Variants in SDK2 observed in about 807,000 individuals in gnomAD.
The protein encoded by SDK2 is protein sidekick-2.
A neutral mutation model predicts 253.9 loss-of-function variants in SDK2; 105 were observed. The ratio of observed to expected loss-of-function variants is 0.41; its 90% CI spans 0.35 to 0.49. SDK2 has a LOEUF of 0.49. SDK2 is among the 20% of genes least tolerant of loss of function. SDK2 has a pLI of 0.06. For synonymous variants in SDK2, 1,249 were observed against 1,234.9 expected (o/e 1.01, Z -0.24); for missense variants, 2,608 against 3,003.0 (o/e 0.87, Z 3.07).
In SDK2 at chr17:73,443,286, G is replaced by C. The variant is rs1481883338; in HGVS notation, c.614-2363C>G. 6.6e-6 allele frequency among the ~76,000 whole-genome samples: 1 copy of C among 152,116 alleles called. No homozygotes were observed. Among genetic ancestry groups the C allele is most frequent in the African/African-American group, 2.4e-5 (1 of 41,422 alleles). On this transcript the variant is annotated intron_variant, in intron 5 of 44. Coordinates refer to ENST00000392650, the MANE Select transcript of SDK2 (RefSeq NM_001144952.2). The surrounding 1 kb of genome is among the most constrained non-coding windows in gnomAD (Gnocchi z 4.6). Reference sequence around the variant, plus strand: ...TGTAAAAAATAAAGTAAAATGAAGGGGGAAAGAAAGGAAGCATATAAAGCA... The same window carrying C: ...TGTAAAAAATAAAGTAAAATGAAGGCGGAAAGAAAGGAAGCATATAAAGCA...
chr17:73,640,421 A>G (rs2046384556), intron 1 of SDK2, among the ~76,000 whole-genome samples: 2 of 152,070 alleles, frequency 1.3e-5, no homozygotes, highest in Non-Finnish European at 2.9e-5. Context: ...AACCACTGCC[A>G]GAATGTTCCG....
chr17:73,602,523 CT>C (rs1165821559), intron 1 of SDK2, among the ~76,000 whole-genome samples: 748 of 139,608 alleles, frequency 5.4e-3, no homozygotes, highest in Non-Finnish European at 5.9e-3. Flanking sequence ...AGTCTAAGTT[CT>C]TTTTTTTTTT....
rs2046239485 is a variant in SDK2 at position 73,629,210 on chromosome 17, TA to T, written c.64+14814del. ...GACCTTAGTAATTCTCTTTGTTCCC[TA>T]CCATTTTAGCTCAGATACGGGCCCT... On this transcript the variant is annotated intron_variant, in intron 1 of 44. Coordinates refer to ENST00000392650, the MANE Select transcript of SDK2 (RefSeq NM_001144952.2). The surrounding 1 kb of genome is among the most constrained non-coding windows in gnomAD (Gnocchi z 5.0). Among the ~76,000 whole-genome samples, 2 of 152,266 alleles carry T rather than the reference TA, an allele frequency of 1.3e-5. No homozygotes were observed. Among genetic ancestry groups the T allele is most frequent in the African/African-American group, 4.8e-5 (2 of 41,534 alleles).
chr17:73,606,249 T>G (rs1179450069), intron 1 of SDK2, among the ~76,000 whole-genome samples: 1 of 152,112 alleles, frequency 6.6e-6, no homozygotes, highest in Non-Finnish European at 1.5e-5. Flanking sequence ...CAGAAGCTGG[T>G]GAGAGGCAGC....
chr17:73,460,879 A>G (rs903171896), intron 3 of SDK2, among the ~76,000 whole-genome samples: 5 of 152,238 alleles, frequency 3.3e-5, no homozygotes, highest in Non-Finnish European at 7.3e-5. Flanking sequence ...AACTCAGAAG[A>G]TATATTTGAA....
At chr17:73,425,858 T>C (rs929999479) in intron 12 of SDK2, among the ~76,000 whole-genome samples, 1 of 151,952 alleles carries the variant, frequency 6.6e-6, no homozygotes, top group Non-Finnish European at 1.5e-5. Flanking sequence ...ACCTGTAATA[T>C]GAGGAAACTA....
chr17:73,477,583 T>G (rs1206813503), intron 2 of SDK2, among the ~76,000 whole-genome samples: 4 of 152,216 alleles, frequency 2.6e-5, no homozygotes, highest in South Asian at 2.1e-4. Context: ...AGCGAGGCCG[T>G]GGATACAAAT....
rs5821971 is a variant in SDK2, at chr17:73,502,084, TACACAC to T, written c.224+5348_224+5353del. ...CAGGCTTGCCTTTGTGTAGTGCACA[TACACAC>T]ACACACACACACACACACACACACA... On this transcript the variant is annotated intron_variant, in intron 2 of 44. Transcript: ENST00000392650. Among the ~76,000 whole-genome samples the T allele has an allele frequency of 2.6e-4, 7 of 26,514 alleles. No individual in the cohort carries two copies. In the East Asian group the frequency reaches 7.4e-3, roughly 28 times the overall value. 17.4% of individuals were successfully genotyped at this position (26,514 alleles called of 152,430 possible). A position where few individuals can be genotyped will look rare whatever the true frequency, so the allele number is the denominator to read the frequency against.
intron 24 of SDK2, among the ~76,000 whole-genome samples, chr17:73,397,280 G>A (rs1002338316): frequency 2.0e-5 from 3 of 152,180 alleles, no homozygotes; most frequent in African/African-American, 4.8e-5. Context: ...GCTGGGAAAC[G>A]ATGTTCCAGA....
At chr17:73,573,512 C>G (rs1855200530) in intron 1 of SDK2, among the ~76,000 whole-genome samples, 1 of 152,144 alleles carries the variant, frequency 6.6e-6, no homozygotes, top group South Asian at 2.1e-4. Context: ...GGACCCCAAA[C>G]CTTGGAGTCG....
chr17:73,614,288 G>C (rs8078948), intron 1 of SDK2, among the ~76,000 whole-genome samples: 9 of 152,254 alleles, frequency 5.9e-5, no homozygotes, highest in East Asian at 5.8e-4. Flanking sequence ...GTGCAGGAAG[G>C]GGTCTCGCTC....
intron 1 of SDK2, among the ~76,000 whole-genome samples, chr17:73,556,558 C>G (rs2045147368): frequency 6.6e-6 from 1 of 152,246 alleles, no homozygotes; most frequent in Non-Finnish European, 1.5e-5. Flanking sequence ...TTGACCTGCA[C>G]ATGATTCTTC....
intron 1 of SDK2, among the ~76,000 whole-genome samples, chr17:73,571,286 C>T (rs1239190824): frequency 3.3e-5 from 5 of 152,164 alleles, no homozygotes; most frequent in East Asian, 3.9e-4. Context: ...GACAGAGGAG[C>T]CCCCTGAGCC....
chr17:73,596,415 G>A (rs187324973), intron 1 of SDK2, among the ~76,000 whole-genome samples: 3 of 152,254 alleles, frequency 2.0e-5, no homozygotes, highest in East Asian at 1.9e-4. Flanking sequence ...CAACCTCTGC[G>A]ACCCTCAGTT....
rs2145394644 is a variant in SDK2 at position 73,350,314 on chromosome 17, G to A, written c.5961C>T (p.Ser1987=). Residue 1987 remains serine, a synonymous_variant, in exon 43 of 45, where the codon AGC becomes AGT. Coordinates refer to ENST00000392650, the MANE Select transcript of SDK2 (RefSeq NM_001144952.2). ...HSEMMSLDES[S]FPALELNNRR... ...TGTTGTTGAGTTCCAGGGCAGGGAA[G>A]CTGCTTTCATCCAAGCTCATCATCT... 1 of 1,613,656 alleles carries A rather than the reference G, an allele frequency of 6.2e-7. No homozygotes were observed.
Position 73,542,000 on chromosome 17 carries a change from G to A in SDK2, c.65-34403C>T, listed in dbSNP as rs118033384. ...ATGGCATCTCTTTTACAGGAGTGTCGCGACAAGGATTAAATAAAACAGCAT... is the reference window on the plus strand; with the variant it reads ...ATGGCATCTCTTTTACAGGAGTGTCACGACAAGGATTAAATAAAACAGCAT... On this transcript the variant is annotated intron_variant, in intron 1 of 44. Transcript: ENST00000392650. The surrounding 1 kb of genome is among the most constrained non-coding windows in gnomAD (Gnocchi z 4.3). Among the ~76,000 whole-genome samples the A allele has an allele frequency of 0.021, 3,161 of 152,262 alleles. 66 individuals carry two copies. The highest frequency in any genetic ancestry group is 0.027 in the Non-Finnish European group (1,818 of 68,016).
rs374118685 is a variant in SDK2, at chr17:73,379,588, C to T, written c.4763-39G>A. The T allele has an allele frequency of 4.6e-6, 6 of 1,295,964 alleles. No homozygotes were observed. In the African/African-American group the frequency reaches 8.7e-5, roughly 19 times the overall value. The allele number at this position is 1,295,964 out of a possible 1,614,324, so 80.3% of individuals were successfully genotyped here. On this transcript the variant is annotated intron_variant, in intron 34 of 44. Transcript: ENST00000392650. The surrounding 1 kb of genome is among the most constrained non-coding windows in gnomAD (Gnocchi z 4.5). ...TGGGGGAGGGGAAGCACACTGAGGT[C>T]ACCGTCATTGCTGGGAAGGTGTCCC...
At chr17:73,554,641 A>G (rs1301542587) in intron 1 of SDK2, among the ~76,000 whole-genome samples, 1 of 152,198 alleles carries the variant, frequency 6.6e-6, no homozygotes, top group Non-Finnish European at 1.5e-5. Context: ...TCAGCCAGCT[A>G]GTCTGGTATT....
chr17:73,356,627 AC>A (rs1195537099), intron 40 of SDK2, among the ~76,000 whole-genome samples: 3 of 152,224 alleles, frequency 2.0e-5, no homozygotes, highest in Admixed American at 1.3e-4. Context: ...AGAGATGCTC[AC>A]CCCATAACAG....
Sources: allele counts gnomAD v4.1 joint callset (sites outside exome capture counted in the v4.1 genomes callset), GRCh38; gene constraint gnomAD v4.1.1; non-coding constraint Gnocchi (gnomAD v3.1); transcripts MANE v1.5; gene names NCBI Gene and HGNC (gene_info 2026-07-23, HGNC 2026-07-21).